CLASP2: variants seen among roughly 807,000 people sequenced by gnomAD.
The protein encoded by CLASP2 is CLIP-associating protein 2.
In CLASP2, 47 loss-of-function variants were observed where a neutral mutation model predicts 194.4. The observed-to-expected ratio is 0.24, with a 90% CI of 0.19 to 0.31. CLASP2 has a LOEUF of 0.31. CLASP2 is among the 10% of genes least tolerant of loss of function. The probability of loss-of-function intolerance (pLI) is 1.00; values close to 1 mark genes in which losing one functional copy is unlikely to be tolerated. For missense variants in CLASP2, 1,445 were observed against 1,823.6 expected, an observed-to-expected ratio of 0.79 and a Z score of 3.78; for synonymous variants, 619 against 633.5, an observed-to-expected ratio of 0.98 and a Z score of 0.34.
At chr3:33,715,736 CTG>C (rs2093261412) in intron 1 of CLASP2, among the ~76,000 whole-genome samples, 2 of 147,624 alleles carry the variant, frequency 1.4e-5, no homozygotes, top group South Asian at 4.2e-4. Context: ...CAAAGAAAAA[CTG>C]TATTTTGTTC....
intron 18 of CLASP2, among the ~76,000 whole-genome samples, chr3:33,600,179 T>C (rs901682563): frequency 1.3e-5 from 2 of 152,104 alleles, no homozygotes; most frequent in Non-Finnish European, 2.9e-5. Context: ...CCATTCCAAT[T>C]TGGATACCTT....
chr3:33,683,609 AAAAC>A (rs1183218656), intron 6 of CLASP2: 41 of 152,422 alleles, frequency 2.7e-4, no homozygotes, highest in Admixed American at 2.7e-3. Flanking sequence ...CCCTGTCTCA[AAAAC>A]AAACAAAACA....
chr3:33,557,068 G>A (rs571916769), intron 29 of CLASP2, among the ~76,000 whole-genome samples: 14 of 150,890 alleles, frequency 9.3e-5, no homozygotes, highest in Admixed American at 4.0e-4. Context: ...CCGCCTCTCC[G>A]GTTCAAGTGA....
At chr3:33,577,643 T>C (rs570995775) in intron 23 of CLASP2, among the ~76,000 whole-genome samples, 29 of 152,316 alleles carry the variant, frequency 1.9e-4, no homozygotes, top group African/African-American at 6.3e-4. Flanking sequence ...AAATTACTAT[T>C]CAATTTTACA....
chr3:33,557,799 AAAC>A (rs1445475048), intron 29 of CLASP2, among the ~76,000 whole-genome samples: 1 of 152,226 alleles, frequency 6.6e-6, no homozygotes, highest in African/African-American at 2.4e-5. Context: ...AGCTCTAAGA[AAAC>A]AACATTATAT....
chr3:33,659,541 G>T, intron 7 of CLASP2: 2 of 353,892 alleles, frequency 5.7e-6, no homozygotes, highest in Non-Finnish European at 7.9e-6. Context: ...TGCTAGAAGT[G>T]CATAAACAGG....
chr3:33,665,703 C>G (rs1482886185), intron 6 of CLASP2, among the ~76,000 whole-genome samples: 1 of 152,074 alleles, frequency 6.6e-6, no homozygotes, highest in Non-Finnish European at 1.5e-5. Flanking sequence ...TTAAAGCAAA[C>G]AAAACAACAC....
At chr3:33,674,782 A>C (rs1575493873) in intron 6 of CLASP2, among the ~76,000 whole-genome samples, 1 of 152,208 alleles carries the variant, frequency 6.6e-6, no homozygotes, top group African/African-American at 2.4e-5. Flanking sequence ...AGAAATACAA[A>C]CTACCATCAG....
At chr3:33,665,526 C>T (rs890834957) in intron 6 of CLASP2, among the ~76,000 whole-genome samples, 1 of 152,166 alleles carries the variant, frequency 6.6e-6, no homozygotes, top group African/African-American at 2.4e-5. Context: ...TCAATACACT[C>T]TTCCTATGAC....
intron 34 of CLASP2, among the ~76,000 whole-genome samples, chr3:33,527,243 G>A (rs905215396): frequency 1.3e-5 from 2 of 152,088 alleles, no homozygotes; most frequent in Admixed American, 6.6e-5. Flanking sequence ...CAAAGAAGGA[G>A]AGAAGATCCA....
intron 27 of CLASP2, among the ~76,000 whole-genome samples, chr3:33,565,828 A>G (rs1020276162): frequency 2.6e-5 from 4 of 151,374 alleles, no homozygotes; most frequent in Admixed American, 2.6e-4. Flanking sequence ...AAGAAAAAAA[A>G]ATACAGTATA....
intron 1 of CLASP2, among the ~76,000 whole-genome samples, chr3:33,708,194 C>T (rs1200427059): frequency 6.6e-6 from 1 of 151,840 alleles, no homozygotes; most frequent in Non-Finnish European, 1.5e-5. Context: ...AAGCATGTAC[C>T]CTTTGACCAA....
Position 33,584,767 on chromosome 3 carries a change from G to A in CLASP2, c.2222C>T (p.Pro741Leu). The change falls in exon 22 of 39, where the codon CCA becomes CTA. Residue 741 changes from proline (P) to leucine (L), a missense_variant. By Grantham distance (98) the Pro-to-Leu change is moderately conservative. Transcript: ENST00000682230. ...AATCTTACCCACTGAAAGCCTAGAT[G>A]GACTAGCCTCTCTGCTACAGCCCTG... Reference protein sequence around the residue: ...RSQGCSREASPSRLSVARSSR... With the variant: ...RSQGCSREASLSRLSVARSSR... 6.3e-7 allele frequency: 1 copy of A among 1,595,314 alleles called. No homozygotes were observed. Among genetic ancestry groups the A allele is most frequent in the African/African-American group, 1.4e-5 (1 of 73,830 alleles).
intron 6 of CLASP2, among the ~76,000 whole-genome samples, chr3:33,678,147 T>C (rs978882710): frequency 4.6e-5 from 7 of 151,818 alleles, no homozygotes; most frequent in African/African-American, 1.2e-4. Context: ...GGAACATACA[T>C]GTTAATGGGG....
chr3:33,543,626 T>A, intron 31 of CLASP2, 87 bp from the exon 32 acceptor site: 2 of 780,470 alleles, frequency 2.6e-6, no homozygotes, highest in East Asian at 4.9e-5. Context: ...AACATTAGGT[T>A]GAACCATATT....
chr3:33,605,481 T>C (rs186356151), intron 16 of CLASP2, among the ~76,000 whole-genome samples: 4 of 152,314 alleles, frequency 2.6e-5, no homozygotes, highest in East Asian at 3.9e-4. Flanking sequence ...AGTACAGTAT[T>C]TGAATGACCC....
At chr3:33,668,837 C>A (rs2086646979) in intron 6 of CLASP2, among the ~76,000 whole-genome samples, 1 of 152,180 alleles carries the variant, frequency 6.6e-6, no homozygotes, top group Admixed American at 6.5e-5. Context: ...CTCTTACTGA[C>A]TAGCTGTCAC....
At chr3:33,663,921 T>G (rs753843489) in intron 6 of CLASP2, among the ~76,000 whole-genome samples, 2 of 152,048 alleles carry the variant, frequency 1.3e-5, no homozygotes, top group Non-Finnish European at 2.9e-5. Context: ...ATACAAACAA[T>G]AAAATATAAA....
chr3:33,650,623 G>T (rs1411580801), intron 7 of CLASP2, among the ~76,000 whole-genome samples: 1 of 152,022 alleles, frequency 6.6e-6, no homozygotes, highest in African/African-American at 2.4e-5. Context: ...GGAATAGATG[G>T]AAATGGAGGA....
Sources: allele counts gnomAD v4.1 joint callset (sites outside exome capture counted in the v4.1 genomes callset), GRCh38; gene constraint gnomAD v4.1.1; transcripts MANE v1.5; gene names NCBI Gene and HGNC (gene_info 2026-07-23, HGNC 2026-07-21).